Variants in C6 observed in about 807,000 individuals in gnomAD.
The protein encoded by C6 is complement C6.
Under a neutral mutation model 112.9 loss-of-function variants are expected in C6, and 101 were observed. That is an observed-to-expected ratio of 0.89 (90% confidence interval 0.76 to 1.06). The LOEUF is 1.06. C6 is among the 50% of genes least tolerant of loss of function. The pLI, the probability that C6 is intolerant of heterozygous loss-of-function variation, is 0.00. For missense variants in C6, 1,202 were observed against 1,104.6 expected, an observed-to-expected ratio of 1.09 and a Z score of -1.25; for synonymous variants, 431 against 384.1, an observed-to-expected ratio of 1.12 and a Z score of -1.43.
intron 1 of C6, among the ~76,000 whole-genome samples, chr5:41,223,288 C>G (rs1302349923): frequency 6.6e-6 from 1 of 152,154 alleles, no homozygotes; most frequent in Non-Finnish European, 1.5e-5. Flanking sequence ...TTTCGTTATT[C>G]TCCAAGGACT....
chr5:41,198,969 T>C (rs1188823086), intron 4 of C6, among the ~76,000 whole-genome samples: 2 of 152,230 alleles, frequency 1.3e-5, no homozygotes, highest in East Asian at 3.9e-4. Flanking sequence ...ACACAAAATA[T>C]ATCTCCCTAC....
At chr5:41,154,134 A>G (rs1327328445) in intron 14 of C6, 136 bp from the exon 15 acceptor site, 7 of 732,900 alleles carry the variant, frequency 9.6e-6, no homozygotes, top group Non-Finnish European at 1.7e-5. Context: ...CCTTTTGATC[A>G]GAAAACCTGG....
intron 1 of C6, among the ~76,000 whole-genome samples, chr5:41,209,592 A>G (rs1751727027): frequency 6.6e-6 from 1 of 152,188 alleles, no homozygotes; most frequent in African/African-American, 2.4e-5. Context: ...CAGAGAGCCA[A>G]ATCATGGTAA....
At chr5:41,158,833 A>G in intron 12 of C6, 48 bp from the exon 13 acceptor site, 1 of 1,135,984 alleles carries the variant, frequency 8.8e-7, no homozygotes, top group Non-Finnish European at 1.3e-6. Context: ...ATGTACACAC[A>G]TTTACATGTG....
rs532146246 is a variant in C6 at position 41,240,195 on chromosome 5, G to T, written c.-21+20999C>A. 2.6e-5 allele frequency among the ~76,000 whole-genome samples: 4 copies of T among 152,224 alleles called. No homozygotes were observed. The South Asian group carries it at 8.3e-4, about 32-fold the overall frequency. On this transcript the variant is annotated intron_variant, in intron 1 of 17. Coordinates refer to the C6 transcript ENST00000263413. The stretch of plus-strand genomic sequence containing the variant: ...TATGCCATGGATCTTCATTGGTCAG[G>T]CTGCATTGTTAGTGGAAGCTCTGGT...
At chr5:41,204,737 T>A (rs539470291) in intron 1 of C6, among the ~76,000 whole-genome samples, 44 of 147,644 alleles carry the variant, frequency 3.0e-4, no homozygotes, top group Admixed American at 1.1e-3. Flanking sequence ...TGGTGTGATC[T>A]CGGCTCACTG....
chr5:41,195,992 T>C, intron 4 of C6, 59 bp from the exon 5 acceptor site: 1 of 1,593,706 alleles, frequency 6.3e-7, no homozygotes, highest in Non-Finnish European at 8.6e-7. Context: ...AAAGTATTTA[T>C]TAATTTGAAA....
intron 8 of C6, 116 bp from the exon 9 acceptor site, chr5:41,172,463 C>A: frequency 2.1e-6 from 2 of 963,696 alleles, no homozygotes; most frequent in South Asian, 2.7e-5. Context: ...CCCCTCTCTT[C>A]CCCAGTCCCC....
chr5:41,228,885 C>T, intron 1 of C6, among the ~76,000 whole-genome samples: 1 of 152,078 alleles, frequency 6.6e-6, no homozygotes, highest in East Asian at 1.9e-4. Context: ...GGCTTTTGCA[C>T]CTATGTTCCA....
intron 7 of C6, among the ~76,000 whole-genome samples, chr5:41,177,713 T>G (rs1748973130): frequency 6.6e-6 from 1 of 152,186 alleles, no homozygotes; most frequent in South Asian, 2.1e-4. Flanking sequence ...TAATCTCCCT[T>G]CTGTCTTTCC....
intron 1 of C6, among the ~76,000 whole-genome samples, chr5:41,244,219 A>G (rs1740892786): frequency 6.6e-6 from 1 of 152,232 alleles, no homozygotes; most frequent in Non-Finnish European, 1.5e-5. Context: ...AACTTATTAT[A>G]AGTTCCTCTC....
chr5:41,160,093 C>G, intron 11 of C6, 49 bp downstream of exon 11: 1 of 1,452,232 alleles, frequency 6.9e-7, no homozygotes, highest in South Asian at 1.1e-5. Context: ...TTAGAATACT[C>G]TTTGGAGGGG....
chr5:41,170,664 A>T (rs1337182068), intron 9 of C6, among the ~76,000 whole-genome samples: 1 of 152,078 alleles, frequency 6.6e-6, no homozygotes, highest in Non-Finnish European at 1.5e-5. Flanking sequence ...TATGTAGACC[A>T]TCTACCTGTT....
intron 16 of C6, 89 bp from the exon 17 acceptor site, chr5:41,149,571 C>A (rs1333108751): frequency 2.6e-6 from 4 of 1,557,658 alleles, no homozygotes; most frequent in Non-Finnish European, 3.5e-6. Flanking sequence ...CACTCACCAA[C>A]CAGTTTTCTT....
At chr5:41,192,908 G>A (rs1032200819) in intron 5 of C6, among the ~76,000 whole-genome samples, 1 of 152,230 alleles carries the variant, frequency 6.6e-6, no homozygotes, top group African/African-American at 2.4e-5. Context: ...TATCTAATAT[G>A]TACAAAGGTT....
intron 1 of C6, among the ~76,000 whole-genome samples, chr5:41,207,203 G>A (rs1751504779): frequency 6.6e-6 from 1 of 152,126 alleles, no homozygotes; most frequent in Non-Finnish European, 1.5e-5. Context: ...CACCAGGCCT[G>A]CCTTACAAGA....
chr5:41,190,544 C>A (rs181535220), intron 5 of C6, among the ~76,000 whole-genome samples: 21 of 152,224 alleles, frequency 1.4e-4, no homozygotes, highest in South Asian at 1.0e-3. Flanking sequence ...CTTTTTTCCA[C>A]TGTGTATGTT....
chr5:41,180,648 T>C (rs1329779042), intron 7 of C6, among the ~76,000 whole-genome samples: 1 of 152,124 alleles, frequency 6.6e-6, no homozygotes, highest in African/African-American at 2.4e-5. Flanking sequence ...AAATTTGCTC[T>C]GAATATGATT....
At chr5:41,196,217 C>A (rs1750607272) in intron 4 of C6, among the ~76,000 whole-genome samples, 1 of 151,620 alleles carries the variant, frequency 6.6e-6, no homozygotes, top group Non-Finnish European at 1.5e-5. Flanking sequence ...CTATAGAGAT[C>A]ATGTTCAGTA....
Sources: allele counts gnomAD v4.1 joint callset (sites outside exome capture counted in the v4.1 genomes callset), GRCh38; gene constraint gnomAD v4.1.1; transcripts MANE v1.5; gene names NCBI Gene and HGNC (gene_info 2026-07-23, HGNC 2026-07-21).